Variants in ZNF384 observed in about 807,000 individuals in gnomAD.
The protein encoded by ZNF384 is CAG repeat protein 1.
In ZNF384, 20 loss-of-function variants were observed where a neutral mutation model predicts 65.0. That is an observed-to-expected ratio of 0.31 (90% CI 0.22 to 0.45). The LOEUF is 0.45. ZNF384 is among the 20% of genes least tolerant of loss of function. The pLI is 1.00. For missense variants in ZNF384, 549 were observed against 769.4 expected (o/e 0.71, Z 3.39); for synonymous variants, 310 against 303.9 (o/e 1.02, Z -0.21).
Position 6,678,509 on chromosome 12 carries a change from C to T in ZNF384, c.353-49G>A. The T allele has an allele frequency of 1.3e-6, 2 of 1,546,050 alleles. No homozygotes were observed. The highest frequency in any genetic ancestry group is 8.8e-7 in the Non-Finnish European group (1 of 1,136,528). On this transcript the variant is annotated intron_variant, in intron 5 of 11. Coordinates refer to ENST00000683879, the MANE Select transcript of ZNF384 (RefSeq NM_001385745.1). This position sits in a 1 kb window ranked among gnomAD's most constrained non-coding sequence, Gnocchi z 4.9. ...TGGCGTCATGTTGTTCAGTCCTGAT[C>T]CTAATCCTATTTCATTTCCCCCAGA...
At chr12:6,680,992 G>A (rs1022835920) in intron 2 of ZNF384, among the ~76,000 whole-genome samples, 12 of 152,002 alleles carry the variant, frequency 7.9e-5, no homozygotes, top group South Asian at 4.2e-4. Context: ...CAAGACAGGC[G>A]GATCCCCTGA....
intron 10 of ZNF384, among the ~76,000 whole-genome samples, chr12:6,669,702 G>A (rs565660219): frequency 6.6e-6 from 1 of 152,000 alleles, no homozygotes; most frequent in African/African-American, 2.4e-5. Context: ...AGGTTTCACC[G>A]TGTTGGCCAG....
intron 2 of ZNF384, among the ~76,000 whole-genome samples, chr12:6,681,221 A>G (rs1592405388): frequency 6.6e-6 from 1 of 152,164 alleles, no homozygotes; most frequent in Non-Finnish European, 1.5e-5. Flanking sequence ...CAAAAAAAAA[A>G]AAAAAAAACT....
At chr12:6,684,113 A>G (rs79514203) in intron 2 of ZNF384, among the ~76,000 whole-genome samples, 1 of 152,238 alleles carries the variant, frequency 6.6e-6, no homozygotes, top group Non-Finnish European at 1.5e-5. Flanking sequence ...GCACTTTACA[A>G]CTACTACATC....
chr12:6,678,438 G>C lies in ZNF384; in HGVS notation c.375C>G (p.Ser125=). The change falls in exon 6 of 12, where the codon TCC becomes TCG. Residue 125 remains serine (S), a synonymous_variant. Coordinates refer to ENST00000683879, the MANE Select transcript of ZNF384 (RefSeq NM_001385745.1). This position sits in a 1 kb window ranked among gnomAD's most constrained non-coding sequence, Gnocchi z 4.9. The part of the protein sequence containing the change: ...QSRGPGLVIT[S]PSGSLVTTAS... The stretch of plus-strand genomic sequence containing the variant: ...CTGTGGTCACAAGAGAGCCTGAGGG[G>C]GACGTGATTACCAAACCCGGACCTA... 1.3e-6 allele frequency: 2 copies of C among 1,592,138 alleles called. No individual in the cohort carries two copies. Among genetic ancestry groups the C allele is most frequent in the South Asian group, 2.2e-5 (2 of 89,112 alleles).
chr12:6,672,256 C>A lies in ZNF384; in HGVS notation c.1187+94G>T, dbSNP rs561193216. The A allele has an allele frequency of 7.2e-7, 1 of 1,389,618 alleles. No individual in the cohort carries two copies. The highest frequency in any genetic ancestry group is 9.7e-7 in the Non-Finnish European group (1 of 1,031,588). 86.1% of individuals were successfully genotyped at this position (1,389,618 alleles called of 1,614,324 possible). On this transcript the variant is annotated intron_variant, in intron 9 of 11. Coordinates refer to ENST00000683879, the MANE Select transcript of ZNF384 (RefSeq NM_001385745.1). The surrounding 1 kb of genome is among the most constrained non-coding windows in gnomAD (Gnocchi z 4.4). The stretch of plus-strand genomic sequence containing the variant: ...CTCTCCTCCAGCCAGGTCTCTCCCC[C>A]GCCCCCCGCATGCGGGTTGTTGTGT...
chr12:6,670,832 G>A lies in ZNF384; in HGVS notation c.1194C>T (p.His398=), dbSNP rs755599291. The A allele has an allele frequency of 1.2e-6, 2 of 1,614,038 alleles. No individual in the cohort carries two copies. The highest frequency in any genetic ancestry group is 2.2e-5 in the South Asian group (2 of 91,040). The change falls in exon 10 of 12, where the codon CAC becomes CAT. Residue 398 remains histidine (H), a synonymous_variant. Coordinates refer to ENST00000683879, the MANE Select transcript of ZNF384 (RefSeq NM_001385745.1). ...LSHLQQHTRI[H]TGDRPYKCAH... is the part of the protein sequence containing the mutation. Reference sequence around the variant, plus strand: ...CACATTTGTATGGTCTATCACCAGTGTGGATTCTGCACAGGATAAGAGAAA... The same window carrying A: ...CACATTTGTATGGTCTATCACCAGTATGGATTCTGCACAGGATAAGAGAAA...
rs573611782 is a variant in ZNF384, at chr12:6,674,243, A to G, written c.780-803T>C. Among the ~76,000 whole-genome samples, 128 of 152,338 alleles carry G rather than the reference A, an allele frequency of 8.4e-4. 1 individual carries two copies. The highest frequency in any genetic ancestry group is 2.1e-3 in the South Asian group (10 of 4,830). On this transcript the variant is annotated intron_variant, in intron 7 of 11. Coordinates refer to ENST00000683879, the MANE Select transcript of ZNF384 (RefSeq NM_001385745.1). ...GAGCCAGTGTCAGCACTCTGGGTTG[A>G]CATCAGTAGCACCTGATCGTACTTT...
At chr12:6,685,943 C>A (rs1359155649) in intron 2 of ZNF384, among the ~76,000 whole-genome samples, 1 of 152,058 alleles carries the variant, frequency 6.6e-6, no homozygotes, top group East Asian at 1.9e-4. Flanking sequence ...TAATAATAGT[C>A]GTGAAACACG....
In ZNF384 at chr12:6,669,128, T is replaced by C; in HGVS notation, c.1328A>G (p.Tyr443Cys). Residue 443 changes from tyrosine (Y) to cysteine (C), a missense_variant, in exon 11 of 12, where the codon TAC (tyrosine) becomes TGC (cysteine). Physicochemically the swap from Tyr to Cys is radical, Grantham distance 194. This residue lies in a region of ZNF384 where 38 missense variants were observed against 99.7 expected (regional missense o/e 0.38). Transcript: ENST00000683879. ...CACCTCTAGTGAGGCTGCATCCGTG[T>C]ACGCCCGATGACAGTTGTGGCACTT... The part of the protein sequence containing the change: ...PFKCHNCHRA[Y>C]TDAASLEVHL... 1.2e-6 allele frequency: 2 copies of C among 1,614,040 alleles called. No individual in the cohort carries two copies. The highest frequency in any genetic ancestry group is 1.1e-5 in the South Asian group (1 of 91,032).
At position 6,678,232 on chromosome 12, in the gene ZNF384, C is replaced by G; in HGVS notation, c.581G>C (p.Arg194Pro). 3.1e-6 allele frequency: 5 copies of G among 1,614,146 alleles called. No individual in the cohort carries two copies. Among genetic ancestry groups the G allele is most frequent in the Non-Finnish European group, 4.2e-6 (5 of 1,180,032 alleles). ...TGATTCCAGCATCCGCTTCTTCTTC[C>G]GGCCCCGGGGTGGCTTAGGAGCCAC... ...GSVAPKPPRG[R>P]KKKRMLESGL... Residue 194 changes from arginine (R) to proline (P), a missense_variant, in exon 6 of 12, where the codon CGG becomes CCG. Physicochemically the swap from Arg to Pro is moderately radical, Grantham distance 103 (BLOSUM62 -2). Around this residue, in one of 5 missense-constraint regions of ZNF384, gnomAD observed 277 missense variants for 337.2 expected, o/e 0.82. Transcript: ENST00000683879. The surrounding 1 kb of genome is among the most constrained non-coding windows in gnomAD (Gnocchi z 4.9).
chr12:6,678,625 A>T lies in ZNF384; in HGVS notation c.352+38T>A. The T allele has an allele frequency of 6.2e-7, 1 of 1,603,902 alleles. No individual in the cohort carries two copies. The highest frequency in any genetic ancestry group is 8.5e-7 in the Non-Finnish European group (1 of 1,172,680). On this transcript the variant is annotated intron_variant, in intron 5 of 11. Coordinates refer to ENST00000683879, the MANE Select transcript of ZNF384 (RefSeq NM_001385745.1). This position sits in a 1 kb window ranked among gnomAD's most constrained non-coding sequence, Gnocchi z 4.9. ...CCTGTAGAAAAATAATGGTCTCCTA[A>T]CCCTTGTCCCCACCCCCCTGGTAAC...
chr12:6,672,425 G>A lies in ZNF384; in HGVS notation c.1112C>T (p.Ser371Leu), dbSNP rs774319300. Reference protein sequence around the residue: ...SYLAQHLRIHSGAKPYNCSYC... With the variant: ...SYLAQHLRIHLGAKPYNCSYC... ...GGAACAGTTGTAGGGCTTGGCCCCCGAGTGGATACGGAGGTGCTGGGCCAG... is the reference window on the plus strand; with the variant it reads ...GGAACAGTTGTAGGGCTTGGCCCCCAAGTGGATACGGAGGTGCTGGGCCAG... Residue 371 changes from serine to leucine, a missense_variant, in exon 9 of 12, where the codon TCG becomes TTG. Coordinates refer to ENST00000683879, the MANE Select transcript of ZNF384 (RefSeq NM_001385745.1). The surrounding 1 kb of genome is among the most constrained non-coding windows in gnomAD (Gnocchi z 4.4). 2.5e-6 allele frequency: 4 copies of A among 1,614,184 alleles called. No homozygotes were observed. The highest frequency in any genetic ancestry group is 1.7e-5 in the Admixed American group (1 of 60,026).
chr12:6,677,686 G>C (rs753907781), intron 6 of ZNF384, among the ~76,000 whole-genome samples: 2 of 152,098 alleles, frequency 1.3e-5, no homozygotes, highest in African/African-American at 4.8e-5. Context: ...ACCATGCAGG[G>C]TAAGGCAGGC....
intron 10 of ZNF384, among the ~76,000 whole-genome samples, 190 bp from the exon 11 acceptor site, chr12:6,669,379 C>T (rs1295497827): frequency 1.3e-5 from 2 of 152,178 alleles, no homozygotes; most frequent in Non-Finnish European, 2.9e-5. Context: ...TCATGTAGCA[C>T]ATACCAGGAT....
chr12:6,682,140 A>G (rs570119360), intron 2 of ZNF384, among the ~76,000 whole-genome samples: 2 of 148,950 alleles, frequency 1.3e-5, no homozygotes, highest in African/African-American at 5.0e-5. Context: ...AAAAAAAAAA[A>G]TTGAAAAAAA....
Position 6,678,067 on chromosome 12 carries a change from C to T in ZNF384, c.686+60G>A, listed in dbSNP as rs1954397511. The T allele has an allele frequency of 3.3e-6, 5 of 1,495,966 alleles. No individual in the cohort carries two copies. Among genetic ancestry groups the T allele is most frequent in the Non-Finnish European group, 3.7e-6 (4 of 1,090,532 alleles). 92.7% of individuals were successfully genotyped at this position (1,495,966 alleles called of 1,614,324 possible). ...ACCGGGGCAGAACACAATGAGGGTA[C>T]AGGGAGAATCACCAAGCCAGGGATC... On this transcript the variant is annotated intron_variant, in intron 6 of 11. Coordinates refer to ENST00000683879, the MANE Select transcript of ZNF384 (RefSeq NM_001385745.1). This position sits in a 1 kb window ranked among gnomAD's most constrained non-coding sequence, Gnocchi z 4.9.
At chr12:6,669,335 T>C (rs1338841575) in intron 10 of ZNF384, 146 bp from the exon 11 acceptor site, 1 of 844,620 alleles carries the variant, frequency 1.2e-6, no homozygotes, top group East Asian at 2.8e-5. Flanking sequence ...CAAATGAAAC[T>C]TGAGAAGCTA....
chr12:6,678,710 C>T lies in ZNF384; in HGVS notation c.305G>A (p.Gly102Glu). ...TCTCCACCTCTGAGAACAGGAGACT[C>T]CTTGATTCAGAGAAGGAAAGAATGT... ...PVPSTGLMTA[G>E]VSCSQRWRRE... Residue 102 changes from glycine (G) to glutamate (E), a missense_variant and splice_region_variant, in exon 5 of 12, where the codon GGA becomes GAA. Transcript: ENST00000683879. This position sits in a 1 kb window ranked among gnomAD's most constrained non-coding sequence, Gnocchi z 4.9. The T allele has an allele frequency of 6.2e-7, 1 of 1,614,004 alleles. No individual in the cohort carries two copies. Among genetic ancestry groups the T allele is most frequent in the East Asian group, 2.2e-5 (1 of 44,886 alleles).
Sources: allele counts gnomAD v4.1 joint callset (sites outside exome capture counted in the v4.1 genomes callset), GRCh38; gene constraint gnomAD v4.1.1; regional missense constraint gnomAD v4.1.1; non-coding constraint Gnocchi (gnomAD v3.1); transcripts MANE v1.5; gene names NCBI Gene and HGNC (gene_info 2026-07-23, HGNC 2026-07-21).